Variants in MGMT observed in about 807,000 individuals in gnomAD.
MGMT encodes the protein O-6-methylguanine-DNA methyltransferase.
MGMT carries 14 observed loss-of-function variants against 15.9 expected under a neutral mutation model. That is an observed-to-expected ratio of 0.88 (90% CI 0.58 to 1.37). MGMT has a LOEUF of 1.37. Among genes scored for constraint, MGMT ranks in the 40% most tolerant of loss-of-function variants. The pLI is 0.00. For missense variants in MGMT, 282 were observed against 268.1 expected, an observed-to-expected ratio of 1.05 and a Z score of -0.36; for synonymous variants, 130 against 118.2, an observed-to-expected ratio of 1.10 and a Z score of -0.65.
chr10:129,683,508 C>T (rs563478102), intron 2 of MGMT, among the ~76,000 whole-genome samples: 5 of 151,860 alleles, frequency 3.3e-5, no homozygotes, highest in Admixed American at 1.3e-4. Context: ...CTTTTAACAA[C>T]GTGCAGCCAT....
intron 3 of MGMT, among the ~76,000 whole-genome samples, chr10:129,746,806 G>A (rs1848701201): frequency 1.3e-5 from 2 of 152,106 alleles, no homozygotes; most frequent in Non-Finnish European, 1.5e-5. Context: ...TGTAAAATAT[G>A]TTGGCTAGTC....
intron 2 of MGMT, among the ~76,000 whole-genome samples, chr10:129,703,890 T>G (rs1848127601): frequency 6.6e-6 from 1 of 152,022 alleles, no homozygotes; most frequent in Non-Finnish European, 1.5e-5. Context: ...GGGTTTTGTT[T>G]CCTCAGTTGA....
chr10:129,578,141 T>A (rs1445941422), intron 2 of MGMT, among the ~76,000 whole-genome samples: 1 of 152,212 alleles, frequency 6.6e-6, no homozygotes, highest in East Asian at 1.9e-4. Flanking sequence ...CTCAAGGATC[T>A]AGAACTAGAA....
intron 3 of MGMT, among the ~76,000 whole-genome samples, chr10:129,728,793 T>C (rs1848462783): frequency 6.6e-6 from 1 of 151,476 alleles, no homozygotes; most frequent in South Asian, 2.1e-4. Context: ...TGGTAACTGC[T>C]GAATGCCAGC....
intron 2 of MGMT, among the ~76,000 whole-genome samples, chr10:129,692,269 T>C (rs1847978092): frequency 6.6e-6 from 1 of 152,148 alleles, no homozygotes. Flanking sequence ...GAATCAGGAA[T>C]GACAGGACAC....
intron 2 of MGMT, among the ~76,000 whole-genome samples, chr10:129,620,904 CT>C (rs1232814019): frequency 2.0e-5 from 3 of 151,918 alleles, no homozygotes; most frequent in Non-Finnish European, 4.4e-5. Context: ...GGATTGAATC[CT>C]TTTTTGATTT....
chr10:129,731,159 G>A (rs1352112858), intron 3 of MGMT, among the ~76,000 whole-genome samples: 3 of 152,142 alleles, frequency 2.0e-5, no homozygotes, highest in African/African-American at 7.2e-5. Context: ...CCCAGGACTA[G>A]ATGGAGCCTA....
intron 2 of MGMT, among the ~76,000 whole-genome samples, chr10:129,563,068 C>G (rs964963102): frequency 6.6e-6 from 1 of 152,154 alleles, no homozygotes; most frequent in African/African-American, 2.4e-5. Context: ...TGATGCTGCC[C>G]AACTGTAGCT....
chr10:129,620,351 G>T (rs931762728), intron 2 of MGMT, among the ~76,000 whole-genome samples: 2 of 152,192 alleles, frequency 1.3e-5, no homozygotes, highest in African/African-American at 2.4e-5. Flanking sequence ...GTTGGGTCAG[G>T]TTGTTTTGGC....
chr10:129,564,208 T>A (rs1846315152), intron 2 of MGMT: 1 of 53,336 alleles, frequency 1.9e-5, no homozygotes, highest in African/African-American at 7.8e-5. Context: ...TTCTTCCTCC[T>A]CTCCCCCTCC....
At chr10:129,468,989 C>G (rs1287647626) in intron 1 of MGMT, among the ~76,000 whole-genome samples, 1 of 152,184 alleles carries the variant, frequency 6.6e-6, no homozygotes, top group Non-Finnish European at 1.5e-5. Context: ...AAATAGAGCC[C>G]TAGGTATACA....
At chr10:129,573,508 GA>G (rs1846443693) in intron 2 of MGMT, among the ~76,000 whole-genome samples, 1 of 151,808 alleles carries the variant, frequency 6.6e-6, no homozygotes, top group South Asian at 2.1e-4. Flanking sequence ...TTAACCTTAA[GA>G]TTTTTTTTTT....
chr10:129,562,901 C>T (rs574649422), intron 2 of MGMT, among the ~76,000 whole-genome samples: 7 of 152,306 alleles, frequency 4.6e-5, no homozygotes, highest in Admixed American at 2.0e-4. Flanking sequence ...CGTGGTTCAG[C>T]GTTTGAGTTT....
At position 129,556,151 on chromosome 10, in the gene MGMT, C is replaced by T. The variant is rs983873823; in HGVS notation, c.125+19774C>T. ...CTGGGGGGTTTCATCGCCATTTAACCCTCCGCGTCTCACAGAGACCAAGCA... is the reference window on the plus strand; with the variant it reads ...CTGGGGGGTTTCATCGCCATTTAACTCTCCGCGTCTCACAGAGACCAAGCA... On this transcript the variant is annotated intron_variant, in intron 2 of 4. Coordinates refer to ENST00000651593, the MANE Select transcript of MGMT (RefSeq NM_002412.5). This position sits in a 1 kb window ranked among gnomAD's most constrained non-coding sequence, Gnocchi z 4.3. Among the ~76,000 whole-genome samples the T allele has an allele frequency of 2.6e-5, 4 of 152,168 alleles. No homozygotes were observed. Among genetic ancestry groups the T allele is most frequent in the African/African-American group, 9.7e-5 (4 of 41,434 alleles).
intron 2 of MGMT, among the ~76,000 whole-genome samples, chr10:129,646,752 A>ATTTTTT (rs1180606132): frequency 3.7e-5 from 3 of 81,890 alleles, no homozygotes; most frequent in Non-Finnish European, 8.2e-5. Context: ...ATATATATAT[A>ATTTTTT]TATTTTCAGG....
chr10:129,560,619 A>G (rs959061161), intron 2 of MGMT, among the ~76,000 whole-genome samples: 2 of 152,226 alleles, frequency 1.3e-5, no homozygotes, highest in Non-Finnish European at 2.9e-5. Context: ...CACAGAATCT[A>G]GACATTTCAC....
intron 3 of MGMT, among the ~76,000 whole-genome samples, chr10:129,754,304 C>T (rs764739429): frequency 2.6e-4 from 39 of 152,300 alleles, no homozygotes; most frequent in African/African-American, 7.9e-4. Context: ...TTCCCCACTC[C>T]GCTAAACTCT....
chr10:129,480,707 G>T (rs555193555), intron 1 of MGMT, among the ~76,000 whole-genome samples: 2 of 152,116 alleles, frequency 1.3e-5, no homozygotes, highest in South Asian at 2.1e-4. Flanking sequence ...GCAAGATCCC[G>T]TCTCTACAAA....
chr10:129,468,255 C>T (rs1338072336), intron 1 of MGMT, among the ~76,000 whole-genome samples: 1 of 152,164 alleles, frequency 6.6e-6, no homozygotes, highest in South Asian at 2.1e-4. Context: ...CTAAAACACT[C>T]TGGGAGATGA....
Sources: gnomAD v4.1 joint callset for allele counts (sites outside exome capture counted in the v4.1 genomes callset) on GRCh38, gnomAD v4.1.1 for gene constraint, Gnocchi (gnomAD v3.1) non-coding constraint, MANE v1.5 for transcripts, NCBI Gene and HGNC (gene_info 2026-07-23, HGNC 2026-07-21) for gene names.